The following NCKAP5 variants were observed in gnomAD, a reference collection of about 807,000 sequenced individuals.
The protein encoded by NCKAP5 is NCK associated protein 5, also known as nck-associated protein 5.
Under a neutral mutation model 167.0 loss-of-function variants are expected in NCKAP5, and 92 were observed. The ratio of observed to expected loss-of-function variants is 0.55; its 90% confidence interval spans 0.47 to 0.66. The LOEUF is 0.66. Ranked by LOEUF, NCKAP5 falls within the 30% of genes least tolerant of loss-of-function variation. The pLI, the probability that NCKAP5 is intolerant of heterozygous loss-of-function variation, is 0.00. For synonymous variants in NCKAP5, 891 were observed against 877.4 expected (o/e 1.02, Z -0.27); for missense variants, 2,378 against 2,315.0 (o/e 1.03, Z -0.56).
chr2:133,667,451 G>A, the NCKAP5 span, among the ~76,000 whole-genome samples: 1 of 151,906 alleles, frequency 6.6e-6, no homozygotes, highest in Admixed American at 6.6e-5. Context: ...TCAGTCTCTG[G>A]TAGGATCATT....
At chr2:132,949,341 G>A (rs1385015216) in intron 8 of NCKAP5, among the ~76,000 whole-genome samples, 1 of 152,102 alleles carries the variant, frequency 6.6e-6, no homozygotes, top group Non-Finnish European at 1.5e-5. Flanking sequence ...AGCAAATTTT[G>A]CAAATGCAAG....
intron 2 of NCKAP5, 21 bp from the exon 3 acceptor site, chr2:133,517,608 T>C: frequency 1.1e-6 from 1 of 871,256 alleles, no homozygotes; most frequent in South Asian, 2.1e-5. Context: ...TGAACATGTG[T>C]TTTACTATCC....
chr2:133,654,294 C>T, the NCKAP5 span, among the ~76,000 whole-genome samples: 1 of 152,080 alleles, frequency 6.6e-6, no homozygotes, highest in East Asian at 1.9e-4. Flanking sequence ...AGGAGAATCA[C>T]TTGAACCCAG....
chr2:132,878,689 ACAC>A (rs1176389035), intron 9 of NCKAP5, among the ~76,000 whole-genome samples, 156 bp downstream of exon 9: 1 of 151,726 alleles, frequency 6.6e-6, no homozygotes, highest in Non-Finnish European at 1.5e-5. Flanking sequence ...GCCCACACAC[ACAC>A]ACTTCCTTTT....
intron 11 of NCKAP5, among the ~76,000 whole-genome samples, chr2:132,826,175 T>C (rs1194917508): frequency 6.6e-6 from 1 of 152,224 alleles, no homozygotes; most frequent in Non-Finnish European, 1.5e-5. Flanking sequence ...CTTTGGAGTG[T>C]AAATTTTTAA....
chr2:133,153,696 G>A (rs1163230445), intron 5 of NCKAP5, among the ~76,000 whole-genome samples: 2 of 151,810 alleles, frequency 1.3e-5, no homozygotes, highest in Non-Finnish European at 2.9e-5. Flanking sequence ...TGTGCTTCTG[G>A]CATATCTCCA....
intron 16 of NCKAP5, among the ~76,000 whole-genome samples, chr2:132,749,745 G>A (rs1014127444): frequency 1.3e-5 from 2 of 151,346 alleles, no homozygotes; most frequent in Non-Finnish European, 2.9e-5. Flanking sequence ...ATACATGGGG[G>A]AAAAAAAACC....
chr2:133,490,294 G>A (rs895221493), intron 3 of NCKAP5, among the ~76,000 whole-genome samples: 1 of 152,160 alleles, frequency 6.6e-6, no homozygotes, highest in Non-Finnish European at 1.5e-5. Context: ...GAGTAGTTAC[G>A]GCGATGCTAG....
chr2:133,520,839 G>A (rs114267625), intron 2 of NCKAP5, among the ~76,000 whole-genome samples: 103 of 152,246 alleles, frequency 6.8e-4, no homozygotes, highest in African/African-American at 2.4e-3. Flanking sequence ...CATAAGGGTT[G>A]GCCAATCATA....
intron 5 of NCKAP5, among the ~76,000 whole-genome samples, chr2:133,153,922 T>TC (rs1236355198): frequency 7.1e-6 from 1 of 140,642 alleles, no homozygotes; most frequent in East Asian, 2.3e-4. Context: ...TGCAACCTCC[T>TC]CCCCCCAAGA....
chr2:133,381,218 C>T lies in NCKAP5; in HGVS notation c.70-78108G>A, dbSNP rs149172989. ...GCTGCTGCCAGTCCCCATTCCATAC[C>T]AATGACAGACATCGTCAGTCATGGT... On this transcript the variant is annotated intron_variant, in intron 3 of 19. Transcript: ENST00000409261. Among the ~76,000 whole-genome samples, 731 of 152,276 alleles carry T rather than the reference C, an allele frequency of 4.8e-3. 5 individuals carry two copies. Among genetic ancestry groups the T allele is most frequent in the Middle Eastern group, 0.017 (5 of 294 alleles).
chr2:133,248,212 T>G (rs1052790457), intron 4 of NCKAP5, among the ~76,000 whole-genome samples: 1 of 152,220 alleles, frequency 6.6e-6, no homozygotes, highest in Non-Finnish European at 1.5e-5. Flanking sequence ...AAAGCTACCT[T>G]GACTAAGTGT....
At chr2:133,124,457 C>T (rs1002489717) in intron 6 of NCKAP5, among the ~76,000 whole-genome samples, 3 of 152,140 alleles carry the variant, frequency 2.0e-5, no homozygotes, top group African/African-American at 4.8e-5. Flanking sequence ...TCTTCAAACA[C>T]GCTGCAGCAC....
At chr2:132,920,757 GTATATATA>G in intron 8 of NCKAP5, among the ~76,000 whole-genome samples, 1 of 31,070 alleles carries the variant, frequency 3.2e-5, no homozygotes, top group African/African-American at 1.9e-4. Context: ...ATATATATAT[GTATATATA>G]TGTATGTATA....
the NCKAP5 span, among the ~76,000 whole-genome samples, chr2:133,623,061 T>C: frequency 0.18 from 26,848 of 152,112 alleles, 3,999 homozygotes; most frequent in African/African-American, 0.41. Flanking sequence ...AAGGACAGCC[T>C]ATTCAACAAA....
At chr2:133,252,917 C>G (rs1161528047) in intron 4 of NCKAP5, among the ~76,000 whole-genome samples, 1 of 152,200 alleles carries the variant, frequency 6.6e-6, no homozygotes, top group Non-Finnish European at 1.5e-5. Flanking sequence ...TTACCATTGT[C>G]CTTCAGCAGG....
At chr2:133,576,218 T>C in the NCKAP5 span, among the ~76,000 whole-genome samples, 1 of 135,928 alleles carries the variant, frequency 7.4e-6, no homozygotes, top group Non-Finnish European at 1.7e-5. Context: ...GTTCTTCCCA[T>C]TCTTTTTTCT....
intron 7 of NCKAP5, among the ~76,000 whole-genome samples, chr2:132,969,629 C>T (rs1157006250): frequency 6.6e-6 from 1 of 152,190 alleles, no homozygotes; most frequent in African/African-American, 2.4e-5. Flanking sequence ...CAGTGAGGCT[C>T]TGTGTAGTTC....
intron 4 of NCKAP5, among the ~76,000 whole-genome samples, chr2:133,241,272 C>T (rs926912173): frequency 5.9e-5 from 9 of 152,232 alleles, no homozygotes; most frequent in East Asian, 3.9e-4. Context: ...TTATTTCAGT[C>T]GGCAGTGTTG....
Sources: gnomAD v4.1 joint callset for allele counts (sites outside exome capture counted in the v4.1 genomes callset) on GRCh38, gnomAD v4.1.1 for gene constraint, MANE v1.5 for transcripts, NCBI Gene and HGNC (gene_info 2026-07-23, HGNC 2026-07-21) for gene names.